The following POLR3B variants were observed in gnomAD, a reference collection of about 807,000 sequenced individuals.
POLR3B encodes RNA polymerase III subunit B, also known as DNA-directed RNA polymerase III subunit RPC2.
Under a neutral mutation model 147.4 loss-of-function variants are expected in POLR3B, and 96 were observed. The ratio of observed to expected loss-of-function variants is 0.65; its 90% CI spans 0.55 to 0.77. The LOEUF (loss-of-function observed/expected upper bound fraction) is 0.77. Among genes scored for constraint, POLR3B ranks in the 30% least tolerant of loss-of-function variants. The pLI is 0.00. For synonymous variants in POLR3B, 461 were observed against 485.9 expected (o/e 0.95, Z 0.67); for missense variants, 1,036 against 1,413.5 (o/e 0.73, Z 4.28).
intron 21 of POLR3B, among the ~76,000 whole-genome samples, chr12:106,457,675 C>T (rs1309116380): frequency 6.6e-6 from 1 of 152,168 alleles, no homozygotes; most frequent in Admixed American, 6.6e-5. Context: ...ATTATAATTA[C>T]AAACTTGTAA....
chr12:106,491,127 T>C (rs927740636), intron 23 of POLR3B, among the ~76,000 whole-genome samples: 1 of 152,190 alleles, frequency 6.6e-6, no homozygotes, highest in African/African-American at 2.4e-5. Context: ...AATAATTCCT[T>C]GTATTTAGAT....
intron 19 of POLR3B, among the ~76,000 whole-genome samples, chr12:106,450,443 T>C (rs1472863222): frequency 6.6e-6 from 1 of 152,144 alleles, no homozygotes; most frequent in East Asian, 1.9e-4. Context: ...GGAGAAAGTA[T>C]TTGCAATACA....
At chr12:106,399,902 A>AGAG (rs2037038020) in intron 10 of POLR3B, among the ~76,000 whole-genome samples, 1 of 152,226 alleles carries the variant, frequency 6.6e-6, no homozygotes, top group Non-Finnish European at 1.5e-5. Flanking sequence ...AAAGACTGTC[A>AGAG]AGGCTAGGAA....
At chr12:106,484,780 G>A (rs989221372) in intron 23 of POLR3B, among the ~76,000 whole-genome samples, 6 of 152,174 alleles carry the variant, frequency 3.9e-5, no homozygotes, top group African/African-American at 4.8e-5. Context: ...GGAGCCAGCC[G>A]AGCAAAAGTC....
chr12:106,445,181 G>A (rs2037705683), intron 19 of POLR3B, among the ~76,000 whole-genome samples: 1 of 151,964 alleles, frequency 6.6e-6, no homozygotes, highest in Admixed American at 6.6e-5. Context: ...CATTTATTGA[G>A]CATAACTGTA....
chr12:106,461,703 C>T (rs1340700002), intron 22 of POLR3B, among the ~76,000 whole-genome samples: 2 of 152,164 alleles, frequency 1.3e-5, no homozygotes, highest in African/African-American at 4.8e-5. Context: ...TATGACCCTT[C>T]TATAGCATTT....
At chr12:106,402,989 C>T (rs1295432121) in intron 10 of POLR3B, among the ~76,000 whole-genome samples, 3 of 151,936 alleles carry the variant, frequency 2.0e-5, no homozygotes, top group Non-Finnish European at 4.4e-5. Context: ...AGCTTCTGCA[C>T]AGCAAAAGAA....
At chr12:106,378,096 A>C (rs2036705316) in intron 7 of POLR3B, among the ~76,000 whole-genome samples, 171 bp from the exon 8 acceptor site, 1 of 152,218 alleles carries the variant, frequency 6.6e-6, no homozygotes. Context: ...TCAAAAAATA[A>C]AATAAAATAA....
intron 22 of POLR3B, among the ~76,000 whole-genome samples, chr12:106,461,750 C>T (rs2037939914): frequency 1.3e-5 from 2 of 152,164 alleles, no homozygotes. Context: ...GATGTTGTGA[C>T]ACTGCTCTCG....
At chr12:106,418,869 A>T (rs537495719) in intron 12 of POLR3B, among the ~76,000 whole-genome samples, 2 of 152,324 alleles carry the variant, frequency 1.3e-5, no homozygotes, top group African/African-American at 4.8e-5. Context: ...AAAATTTAAT[A>T]ATGAGGCAGT....
At chr12:106,394,756 T>C (rs2136919013) in intron 10 of POLR3B, among the ~76,000 whole-genome samples, 1 of 152,334 alleles carries the variant, frequency 6.6e-6, no homozygotes, top group East Asian at 1.9e-4. Flanking sequence ...CAGGAAAAGA[T>C]GGAAGGAAGT....
chr12:106,362,343 T>TTAGCTCATAGGGCTGCCGTAACAAA (rs2036482235), intron 1 of POLR3B, among the ~76,000 whole-genome samples: 1 of 151,794 alleles, frequency 6.6e-6, no homozygotes, highest in Admixed American at 6.6e-5. Flanking sequence ...TGTGGGAGTA[T>TTAGCTCATAGGGCTGCCGTAACAAA]TAGCTCATAG....
Position 106,358,596 on chromosome 12 carries a change from A to G in POLR3B, c.72+645A>G, listed in dbSNP as rs144990109. ...TGTTATCTGATAAGGCACATTTTGT[A>G]ATCTCTCTGAGCCTCAAAATCTACA... On this transcript the variant is annotated intron_variant, in intron 1 of 27. Coordinates refer to ENST00000228347, the MANE Select transcript of POLR3B (RefSeq NM_018082.6). 1.9e-4 allele frequency among the ~76,000 whole-genome samples: 29 copies of G among 151,640 alleles called. No individual in the cohort carries two copies. The East Asian group carries it at 5.6e-3, about 29-fold the overall frequency.
At chr12:106,418,264 C>G (rs1331851020) in intron 12 of POLR3B, among the ~76,000 whole-genome samples, 1 of 152,134 alleles carries the variant, frequency 6.6e-6, no homozygotes, top group Non-Finnish European at 1.5e-5. Flanking sequence ...TCTTTGTCTG[C>G]AAATTTTTTG....
Position 106,509,576 on chromosome 12 carries a change from A to G in POLR3B, c.*27A>G. 6.3e-7 allele frequency: 1 copy of G among 1,597,328 alleles called. No individual in the cohort carries two copies. The highest frequency in any genetic ancestry group is 2.2e-5 in the East Asian group (1 of 44,652). On this transcript the variant is annotated 3_prime_UTR_variant, in exon 28 of 28. Transcript: ENST00000228347. ...GATGGAAAAAATGATTATTAAAGAGAACAAGTGATACATCCAATGCAACGG... is the reference window on the plus strand; with the variant it reads ...GATGGAAAAAATGATTATTAAAGAGGACAAGTGATACATCCAATGCAACGG...
chr12:106,411,776 A>G (rs1333467698), intron 12 of POLR3B, among the ~76,000 whole-genome samples: 1 of 152,194 alleles, frequency 6.6e-6, no homozygotes, highest in Non-Finnish European at 1.5e-5. Context: ...TTAGCTGATA[A>G]ATGACATTTT....
intron 12 of POLR3B, among the ~76,000 whole-genome samples, chr12:106,415,191 C>T (rs11112981): frequency 3.3e-5 from 5 of 152,180 alleles, no homozygotes; most frequent in Non-Finnish European, 5.9e-5. Flanking sequence ...ATTCATCTTC[C>T]ACAGTGCTAA....
chr12:106,386,245 A>C (rs2036835495), intron 9 of POLR3B, among the ~76,000 whole-genome samples: 1 of 151,810 alleles, frequency 6.6e-6, no homozygotes, highest in African/African-American at 2.4e-5. Context: ...TGGGAGGCTC[A>C]GGCAGGAGAA....
intron 23 of POLR3B, among the ~76,000 whole-genome samples, chr12:106,486,751 T>C (rs2038346875): frequency 6.6e-6 from 1 of 152,200 alleles, no homozygotes; most frequent in African/African-American, 2.4e-5. Flanking sequence ...TCCCTTTCCT[T>C]CTAAAATCAG....
Sources: gnomAD v4.1 joint callset for allele counts (sites outside exome capture counted in the v4.1 genomes callset) on GRCh38, gnomAD v4.1.1 for gene constraint, MANE v1.5 for transcripts, NCBI Gene and HGNC (gene_info 2026-07-23, HGNC 2026-07-21) for gene names.